Variants in AOAH observed in about 807,000 individuals in gnomAD.
The protein encoded by AOAH is acyloxyacyl hydrolase (neutrophil).
Under a neutral mutation model 92.2 loss-of-function variants are expected in AOAH, and 64 were observed. The observed-to-expected ratio is 0.69, with a 90% confidence interval of 0.57 to 0.86. The LOEUF (loss-of-function observed/expected upper bound fraction) is 0.86, where lower values mean the gene tolerates loss of function less well. Among genes scored for constraint, AOAH ranks in the 40% least tolerant of loss-of-function variants. The pLI is 0.00. For synonymous variants in AOAH, 263 were observed against 254.5 expected (o/e 1.03, Z -0.32); for missense variants, 656 against 694.6 (o/e 0.94, Z 0.62).
intron 12 of AOAH, among the ~76,000 whole-genome samples, chr7:36,587,458 A>G (rs1368009466): frequency 1.3e-5 from 2 of 152,264 alleles, no homozygotes; most frequent in Middle Eastern, 3.4e-3. Context: ...GTGGAAGCTG[A>G]AATTATATCA....
rs545720180 is a variant in AOAH, at chr7:36,710,780, T to C, written c.127+13242A>G. ...AAATTATTCAGTTACTCAGGACTTT[T>C]TGCCTTACAATAGGTTTAATTTCAC... is the stretch of plus-strand genomic sequence containing the variant. On this transcript the variant is annotated intron_variant, in intron 1 of 20. Transcript: ENST00000617537. 7.9e-5 allele frequency among the ~76,000 whole-genome samples: 12 copies of C among 152,312 alleles called. No individual in the cohort carries two copies. The South Asian group carries it at 2.3e-3, about 29-fold the overall frequency.
intron 12 of AOAH, among the ~76,000 whole-genome samples, chr7:36,584,267 T>C (rs1789146533): frequency 1.3e-5 from 2 of 152,346 alleles, no homozygotes; most frequent in Admixed American, 1.3e-4. Flanking sequence ...CTTTAACATT[T>C]TGTGGAACTC....
chr7:36,513,139 T>C lies in AOAH; in HGVS notation c.*113A>G, dbSNP rs1403616039. ...GAAAGACATTTTGCAAAGATGCTGC[T>C]GAAGAAGAGTCCTTTGGGCCTGTGA... is the stretch of plus-strand genomic sequence containing the variant. On this transcript the variant is annotated 3_prime_UTR_variant, in exon 21 of 21. Transcript: ENST00000617537. 1.2e-6 allele frequency: 2 copies of C among 1,611,528 alleles called. No homozygotes were observed. The highest frequency in any genetic ancestry group is 1.7e-6 in the Non-Finnish European group (2 of 1,179,950).
chr7:36,524,581 C>T (rs941429910), intron 19 of AOAH, among the ~76,000 whole-genome samples: 1 of 151,612 alleles, frequency 6.6e-6, no homozygotes, highest in African/African-American at 2.4e-5. Context: ...GAGGCTGAGG[C>T]AGGAGAATCG....
At chr7:36,571,416 C>T (rs1049658705) in intron 13 of AOAH, among the ~76,000 whole-genome samples, 1 of 152,224 alleles carries the variant, frequency 6.6e-6, no homozygotes, top group Non-Finnish European at 1.5e-5. Flanking sequence ...GCCAAGGCTG[C>T]TCTCCAGCCC....
intron 4 of AOAH, among the ~76,000 whole-genome samples, chr7:36,656,521 A>G (rs1320258280): frequency 6.6e-6 from 1 of 152,024 alleles, no homozygotes; most frequent in African/African-American, 2.4e-5. Context: ...AGTTTAGGCA[A>G]GCCTTTATTT....
In AOAH at chr7:36,640,610, G is replaced by A. The variant is rs574489223; in HGVS notation, c.391-2700C>T. Among the ~76,000 whole-genome samples, 199 of 152,246 alleles carry A rather than the reference G, an allele frequency of 1.3e-3. 4 individuals carry two copies. Among genetic ancestry groups the A allele is most frequent in the Middle Eastern group, 3.4e-3 (1 of 294 alleles). On this transcript the variant is annotated intron_variant, in intron 4 of 20. Coordinates refer to ENST00000617537, the MANE Select transcript of AOAH (RefSeq NM_001637.4). ...CAGGGTTGTCTGCAGCCTTTGTCTCGGCGGCACTCACCACTGCCCCTTGGC... is the reference window on the plus strand; with the variant it reads ...CAGGGTTGTCTGCAGCCTTTGTCTCAGCGGCACTCACCACTGCCCCTTGGC...
chr7:36,629,389 A>G (rs1792905749), intron 6 of AOAH, among the ~76,000 whole-genome samples: 2 of 152,178 alleles, frequency 1.3e-5, no homozygotes, highest in Non-Finnish European at 2.9e-5. Context: ...CTAACACAGA[A>G]AATACAATAA....
At chr7:36,620,576 T>C (rs1287691275) in intron 9 of AOAH, among the ~76,000 whole-genome samples, 1 of 152,224 alleles carries the variant, frequency 6.6e-6, no homozygotes, top group Non-Finnish European at 1.5e-5. Context: ...AAAGGGGCCA[T>C]GACTGAGAAA....
In AOAH at chr7:36,513,054, G is replaced by A. The variant is rs893748854; in HGVS notation, c.*198C>T. On this transcript the variant is annotated 3_prime_UTR_variant, in exon 21 of 21. Transcript: ENST00000617537. The stretch of plus-strand genomic sequence containing the variant: ...AGGTTATTTCAGGAACAGCGGAAGG[G>A]TTACTGATCCCGGGAGCACACAGCA... 16 of 1,543,306 alleles carry A rather than the reference G, an allele frequency of 1.0e-5. No individual in the cohort carries two copies. In the African/African-American group the frequency reaches 1.2e-4, roughly 12 times the overall value.
At chr7:36,606,921 A>G (rs1791049080) in intron 11 of AOAH, among the ~76,000 whole-genome samples, 1 of 152,184 alleles carries the variant, frequency 6.6e-6, no homozygotes, top group African/African-American at 2.4e-5. Flanking sequence ...GTTGTTTAAG[A>G]AGAAAGGGAG....
chr7:36,530,943 T>C (rs1178805607), intron 18 of AOAH, among the ~76,000 whole-genome samples: 3 of 152,180 alleles, frequency 2.0e-5, no homozygotes, highest in Non-Finnish European at 4.4e-5. Context: ...AATTGAGATG[T>C]ACACAGAGAC....
chr7:36,540,167 A>G, intron 16 of AOAH, 152 bp downstream of exon 16: 1 of 644,160 alleles, frequency 1.6e-6, no homozygotes, highest in Non-Finnish European at 2.5e-6. Context: ...TGACCTTTAG[A>G]TACTGCACCT....
chr7:36,628,749 A>G (rs1374466652), intron 6 of AOAH, among the ~76,000 whole-genome samples: 1 of 152,218 alleles, frequency 6.6e-6, no homozygotes, highest in African/African-American at 2.4e-5. Flanking sequence ...GGCACTGGGC[A>G]GGTAAGGCAT....
At chr7:36,693,310 G>A (rs1797521982) in intron 1 of AOAH, among the ~76,000 whole-genome samples, 1 of 152,184 alleles carries the variant, frequency 6.6e-6, no homozygotes. Context: ...AAATATTACA[G>A]TGGAACTGTT....
chr7:36,516,381 AC>A lies in AOAH; in HGVS notation c.1600-3002del, dbSNP rs1330732216. Among the ~76,000 whole-genome samples the A allele has an allele frequency of 1.9e-5, 2 of 106,602 alleles. No homozygotes were observed. 69.9% of individuals were successfully genotyped at this position (106,602 alleles called of 152,430 possible). The stretch of plus-strand genomic sequence containing the variant: ...CAGAAAGCACACAGATACCACACAC[AC>A]CCCCACAGAAAGCACACAGATACCA... On this transcript the variant is annotated intron_variant, in intron 20 of 20. Coordinates refer to ENST00000617537, the MANE Select transcript of AOAH (RefSeq NM_001637.4). This position sits in a 1 kb window ranked among gnomAD's most constrained non-coding sequence, Gnocchi z 5.0.
intron 11 of AOAH, among the ~76,000 whole-genome samples, chr7:36,610,834 CAAG>C (rs1249913886): frequency 6.6e-6 from 1 of 152,080 alleles, no homozygotes; most frequent in Non-Finnish European, 1.5e-5. Context: ...ATCACCATGA[CAAG>C]AAGACGCTCT....
chr7:36,632,404 C>T (rs1263738444), intron 5 of AOAH, among the ~76,000 whole-genome samples: 4 of 152,156 alleles, frequency 2.6e-5, no homozygotes, highest in Admixed American at 2.0e-4. Context: ...GGTCCGGCAA[C>T]AGCATTCCTC....
intron 4 of AOAH, among the ~76,000 whole-genome samples, chr7:36,646,597 C>T (rs148828395): frequency 5.3e-5 from 8 of 152,298 alleles, no homozygotes; most frequent in African/African-American, 1.9e-4. Flanking sequence ...TGACCGTAAA[C>T]GTAGTGGCTG....
Sources: gnomAD v4.1 joint callset for allele counts (sites outside exome capture counted in the v4.1 genomes callset) on GRCh38, gnomAD v4.1.1 for gene constraint, Gnocchi (gnomAD v3.1) non-coding constraint, MANE v1.5 for transcripts, NCBI Gene and HGNC (gene_info 2026-07-23, HGNC 2026-07-21) for gene names.